The following OMA1 variants were observed in gnomAD, a reference collection of about 807,000 sequenced individuals.
OMA1 encodes metalloendopeptidase OMA1, mitochondrial.
OMA1 carries 38 observed loss-of-function variants against 30.9 expected under a neutral mutation model. The ratio of observed to expected loss-of-function variants is 1.23; its 90% CI spans 0.95 to 1.61. The LOEUF (loss-of-function observed/expected upper bound fraction) is 1.61. Ranked by LOEUF, OMA1 falls within the 40% of genes most tolerant of loss-of-function variation. The pLI is 0.00. For synonymous variants in OMA1, 173 were observed against 121.9 expected (o/e 1.42, Z -2.76); for missense variants, 461 against 349.2 (o/e 1.32, Z -2.55).
At chr1:58,484,767 T>A (rs937364520) in intron 8 of OMA1, among the ~76,000 whole-genome samples, 1 of 152,148 alleles carries the variant, frequency 6.6e-6, no homozygotes, top group Non-Finnish European at 1.5e-5. Context: ...TGAAAAGATA[T>A]GAGGAACCTT....
intron 8 of OMA1, among the ~76,000 whole-genome samples, chr1:58,490,771 G>A (rs907208446): frequency 2.1e-5 from 3 of 145,814 alleles, no homozygotes; most frequent in African/African-American, 7.5e-5. Context: ...AGCCAGAAGA[G>A]AGTGGGGGCC....
chr1:58,487,044 A>ACT (rs1277193042), intron 8 of OMA1, among the ~76,000 whole-genome samples: 1 of 152,220 alleles, frequency 6.6e-6, no homozygotes, highest in Non-Finnish European at 1.5e-5. Context: ...TACAATGATC[A>ACT]CTCTGGCTAC....
chr1:58,506,191 C>A lies in OMA1; in HGVS notation c.1234G>T (p.Ala412Ser), dbSNP rs200720643. 19 of 870,808 alleles carry A rather than the reference C, an allele frequency of 2.2e-5. No individual in the cohort carries two copies. The highest frequency in any genetic ancestry group is 3.3e-5 in the African/African-American group (2 of 61,280). The allele number at this position is 870,808 out of a possible 1,614,324, so 53.9% of individuals were successfully genotyped here. A position where few individuals can be genotyped will look rare whatever the true frequency, so the allele number is the denominator to read the frequency against. ...ATTTGCTGCCAAAACACTGAACTGG[C>A]TCTTATGTCTGCACAAGCCTAAAAC... ...LAAKACADIR[A>S]SSVFWQQMEF... The change falls in exon 8 of 9, where the codon GCC becomes TCC. Residue 412 changes from alanine to serine, a missense_variant. By Grantham distance (99) the Ala-to-Ser change is moderately conservative. Transcript: ENST00000371226.
chr1:58,522,612 G>C (rs1281010752), intron 7 of OMA1, among the ~76,000 whole-genome samples: 1 of 145,806 alleles, frequency 6.9e-6, no homozygotes, highest in Non-Finnish European at 1.5e-5. Flanking sequence ...GGAGGTTAAG[G>C]GCACTGACCC....
At chr1:58,534,370 C>T (rs1646483955) in intron 3 of OMA1, 39 bp from the exon 4 acceptor site, 1 of 787,104 alleles carries the variant, frequency 1.3e-6, no homozygotes, top group East Asian at 2.5e-5. Context: ...TAAAAGAGCA[C>T]TACAAAATGC....
intron 8 of OMA1, 42 bp from the exon 9 acceptor site, chr1:58,481,216 A>G: frequency 1.5e-6 from 1 of 646,446 alleles, no homozygotes; most frequent in Non-Finnish European, 2.6e-6. Context: ...ATATATATAC[A>G]TCAATGTATT....
At chr1:58,499,335 A>G (rs1023946187) in intron 8 of OMA1, among the ~76,000 whole-genome samples, 5 of 150,416 alleles carry the variant, frequency 3.3e-5, no homozygotes, top group East Asian at 3.9e-4. Context: ...AAAAAAAAAA[A>G]AAGGCCAGGC....
Position 58,518,273 on chromosome 1 carries a change from GAGA to G in OMA1, c.1215+8985_1215+8987del, listed in dbSNP as rs1250994917. ...AGAGGGGAGAGGGGAGAGGAGAGAG[GAGA>G]GGAGAAGAGAAGAGAAGAGAAGAGA... is the stretch of plus-strand genomic sequence containing the variant. On this transcript the variant is annotated intron_variant, in intron 7 of 8. Transcript: ENST00000371226. Among the ~76,000 whole-genome samples, 14 of 3,358 alleles carry G rather than the reference GAGA, an allele frequency of 4.2e-3. 2 individuals are homozygous for G. Among genetic ancestry groups the G allele is most frequent in the East Asian group, 0.012 (1 of 82 alleles). The allele number at this position is 3,358 out of a possible 152,430, so 2.2% of individuals were successfully genotyped here.
intron 8 of OMA1, among the ~76,000 whole-genome samples, chr1:58,483,689 C>G (rs1472680935): frequency 1.3e-5 from 2 of 152,118 alleles, no homozygotes; most frequent in African/African-American, 4.8e-5. Context: ...AAGTCAGATC[C>G]TCAGCTAAAC....
intron 8 of OMA1, among the ~76,000 whole-genome samples, chr1:58,505,016 G>A (rs962777371): frequency 2.0e-5 from 3 of 151,748 alleles, no homozygotes; most frequent in Admixed American, 1.3e-4. Flanking sequence ...GCAGTGGCAC[G>A]ATCTCGGCTC....
intron 8 of OMA1, among the ~76,000 whole-genome samples, chr1:58,489,132 A>C (rs1442995458): frequency 6.6e-6 from 1 of 152,188 alleles, no homozygotes; most frequent in Non-Finnish European, 1.5e-5. Context: ...CGTGAGCCGA[A>C]GTAGGGCAAG....
At chr1:58,482,538 A>G (rs923922074) in intron 8 of OMA1, among the ~76,000 whole-genome samples, 5 of 152,188 alleles carry the variant, frequency 3.3e-5, no homozygotes, top group African/African-American at 1.2e-4. Flanking sequence ...AAGCTAATTC[A>G]GTTTTTTACG....
chr1:58,491,471 A>G (rs1364547868), intron 8 of OMA1, among the ~76,000 whole-genome samples: 1 of 152,194 alleles, frequency 6.6e-6, no homozygotes, highest in Non-Finnish European at 1.5e-5. Flanking sequence ...CAGACTGGCA[A>G]ATTGGATAAA....
chr1:58,520,416 A>G (rs573615485), intron 7 of OMA1, among the ~76,000 whole-genome samples: 1 of 152,354 alleles, frequency 6.6e-6, no homozygotes, highest in Non-Finnish European at 1.5e-5. Context: ...AAAATATCTG[A>G]GAAGATAATT....
intron 7 of OMA1, among the ~76,000 whole-genome samples, chr1:58,523,266 G>A (rs1351539667): frequency 1.3e-5 from 2 of 152,056 alleles, no homozygotes; most frequent in African/African-American, 4.8e-5. Flanking sequence ...TTCCTTGACT[G>A]GCTCTGTGTG....
intron 7 of OMA1, among the ~76,000 whole-genome samples, chr1:58,513,117 A>T (rs902498625): frequency 6.6e-6 from 1 of 152,010 alleles, no homozygotes; most frequent in African/African-American, 2.4e-5. Flanking sequence ...CGAGGGAGGG[A>T]CTTGGTAGGA....
intron 3 of OMA1, among the ~76,000 whole-genome samples, chr1:58,536,306 C>A (rs762189522): frequency 1.1e-4 from 16 of 151,904 alleles, no homozygotes; most frequent in Non-Finnish European, 1.8e-4. Flanking sequence ...ATGTGCTGAG[C>A]AGGAGTTAGC....
chr1:58,540,581 CTG>C (rs1466536111), intron 1 of OMA1, among the ~76,000 whole-genome samples: 1 of 148,988 alleles, frequency 6.7e-6, no homozygotes, highest in Non-Finnish European at 1.5e-5. Flanking sequence ...GACAAGAAAA[CTG>C]TAAGAACTAA....
chr1:58,481,052 C>T lies in OMA1; in HGVS notation c.1488G>A (p.Thr496=), dbSNP rs772858754. Reference sequence around the variant, plus strand: ...GAAGAGTATCCATTTTCTGTTTCTTCGTGATATTTAGGTCTTCTTTCTCTG... The same window carrying T: ...GAAGAGTATCCATTTTCTGTTTCTTTGTGATATTTAGGTCTTCTTTCTCTG... ...EESEKEDLNI[T]KKQKMDTLPI... Residue 496 remains threonine (T), a synonymous_variant, in exon 9 of 9, where the codon ACG becomes ACA. Transcript: ENST00000371226. 62 of 871,550 alleles carry T rather than the reference C, an allele frequency of 7.1e-5. 1 individual carries two copies. The East Asian group carries it at 1.3e-3, about 18-fold the overall frequency. The allele number at this position is 871,550 out of a possible 1,614,324, so 54.0% of individuals were successfully genotyped here.
Sources: gnomAD v4.1 joint callset for allele counts (sites outside exome capture counted in the v4.1 genomes callset) on GRCh38, gnomAD v4.1.1 for gene constraint, MANE v1.5 for transcripts, NCBI Gene and HGNC (gene_info 2026-07-23, HGNC 2026-07-21) for gene names.